Variants in LIPI observed in about 807,000 individuals in gnomAD.
LIPI encodes the protein lipase member I.
A neutral mutation model predicts 50.6 loss-of-function variants in LIPI; 59 were observed. The ratio of observed to expected loss-of-function variants is 1.16; its 90% CI spans 0.94 to 1.45. The LOEUF (loss-of-function observed/expected upper bound fraction) is 1.45. Ranked by LOEUF, LIPI falls within the 40% of genes most tolerant of loss-of-function variation. LIPI has a pLI of 0.00. For missense variants in LIPI, 586 were observed against 536.3 expected, an observed-to-expected ratio of 1.09 and a Z score of -0.92; for synonymous variants, 203 against 178.2, an observed-to-expected ratio of 1.14 and a Z score of -1.11.
At position 14,152,636 on chromosome 21, in the gene LIPI, T is replaced by C; in HGVS notation, c.1055A>G (p.Asp352Gly). Residue 352 changes from aspartate (D) to glycine (G), a missense_variant, in exon 8 of 10, where the codon GAT becomes GGT. Physicochemically the swap from Asp to Gly is moderately conservative, Grantham distance 94. Transcript: ENST00000681601. ...SIIVPDKTMMDGSFSFKLLNQ... is the reference protein window; with the variant it reads ...SIIVPDKTMMGGSFSFKLLNQ... The stretch of plus-strand genomic sequence containing the variant: ...TAATAATTTAAATGAAAACGAGCCA[T>C]CCATCATAGTTTTATCTGGAACAAT... The C allele has an allele frequency of 4.4e-6, 7 of 1,587,794 alleles. No individual in the cohort carries two copies. The highest frequency in any genetic ancestry group is 5.2e-6 in the Non-Finnish European group (6 of 1,157,468).
intron 7 of LIPI, among the ~76,000 whole-genome samples, chr21:14,161,201 AC>A (rs2018448731): frequency 6.6e-6 from 1 of 150,708 alleles, no homozygotes; most frequent in Admixed American, 6.7e-5. Context: ...CATAGCCAAA[AC>A]CTTAAAACAT....
At chr21:14,146,116 A>G (rs1408222222) in intron 8 of LIPI, among the ~76,000 whole-genome samples, 2 of 152,262 alleles carry the variant, frequency 1.3e-5, no homozygotes, top group Middle Eastern at 3.4e-3. Flanking sequence ...TCAATTACCA[A>G]CAGTTTGCTC....
At chr21:14,142,912 T>C (rs192723191) in intron 9 of LIPI, among the ~76,000 whole-genome samples, 1 of 152,274 alleles carries the variant, frequency 6.6e-6, no homozygotes, top group Non-Finnish European at 1.5e-5. Context: ...AGGAAGTACT[T>C]TCCTGACATC....
intron 8 of LIPI, among the ~76,000 whole-genome samples, chr21:14,150,070 A>C (rs1310748977): frequency 1.3e-5 from 2 of 152,200 alleles, no homozygotes; most frequent in African/African-American, 4.8e-5. Flanking sequence ...GTTCTCCATG[A>C]GGGCTCTGCC....
At chr21:14,210,322 G>A (rs1034057632) in intron 1 of LIPI, among the ~76,000 whole-genome samples, 35 of 151,944 alleles carry the variant, frequency 2.3e-4, no homozygotes, top group Admixed American at 7.2e-4. Context: ...TTTGTTTTTC[G>A]TCATACTGAA....
chr21:14,127,527 A>T (rs925358691), intron 9 of LIPI, among the ~76,000 whole-genome samples: 1 of 152,230 alleles, frequency 6.6e-6, no homozygotes, highest in African/African-American at 2.4e-5. Context: ...ATAAAAGTTA[A>T]AATTGCATAC....
intron 9 of LIPI, among the ~76,000 whole-genome samples, chr21:14,130,612 A>C (rs1354343272): frequency 8.5e-5 from 13 of 152,194 alleles, no homozygotes; most frequent in African/African-American, 1.4e-4. Context: ...TCACAAGCCC[A>C]CACCTAGCAT....
chr21:14,161,641 T>C (rs528823661), intron 7 of LIPI, among the ~76,000 whole-genome samples: 1,816 of 108,836 alleles, frequency 0.017, 50 homozygotes, highest in Non-Finnish European at 0.026. Flanking sequence ...ATATATAATA[T>C]ATACATTATT....
In LIPI at chr21:14,181,868, C is replaced by A. The variant is rs1439936741; in HGVS notation, c.542-9G>T. On this transcript the variant is annotated splice_polypyrimidine_tract_variant and intron_variant, in intron 3 of 9. Coordinates refer to ENST00000681601, the MANE Select transcript of LIPI (RefSeq NM_001302998.2). ...CCCAGCAGGGTCAAGACCTGGAAAG[C>A]AAGAAAGAAATAATCAGTCTCATCA... The A allele has an allele frequency of 3.3e-6, 5 of 1,528,320 alleles. No homozygotes were observed. The East Asian group carries it at 1.1e-4, about 34-fold the overall frequency. 94.7% of individuals were successfully genotyped at this position (1,528,320 alleles called of 1,614,324 possible). A position where few individuals can be genotyped will look rare whatever the true frequency, so the allele number is the denominator to read the frequency against.
At chr21:14,131,734 G>T (rs943715487) in intron 9 of LIPI, among the ~76,000 whole-genome samples, 2 of 152,088 alleles carry the variant, frequency 1.3e-5, no homozygotes, top group Non-Finnish European at 2.9e-5. Context: ...TCCTCAAAGT[G>T]CCAGGTAAAT....
chr21:14,175,180 T>C (rs1271800353), intron 4 of LIPI, among the ~76,000 whole-genome samples: 1 of 148,208 alleles, frequency 6.7e-6, no homozygotes, highest in Non-Finnish European at 1.5e-5. Context: ...TGAAGGTACA[T>C]CTGTTGGTTA....
chr21:14,153,874 T>C (rs1238478796), intron 7 of LIPI, among the ~76,000 whole-genome samples: 1 of 152,190 alleles, frequency 6.6e-6, no homozygotes, highest in African/African-American at 2.4e-5. Context: ...ACATAAATTG[T>C]TTCTTGAGAT....
chr21:14,198,760 G>C (rs867241346), intron 1 of LIPI, among the ~76,000 whole-genome samples: 2 of 151,858 alleles, frequency 1.3e-5, no homozygotes, highest in African/African-American at 2.4e-5. Flanking sequence ...TCAGCACTGG[G>C]TCAAATGGAC....
At chr21:14,196,730 G>A (rs2019874707) in intron 1 of LIPI, among the ~76,000 whole-genome samples, 1 of 152,096 alleles carries the variant, frequency 6.6e-6, no homozygotes, top group Non-Finnish European at 1.5e-5. Flanking sequence ...GGAGGCTGAG[G>A]TAGGAGGATT....
At chr21:14,174,055 T>C (rs1321516181) in intron 4 of LIPI, among the ~76,000 whole-genome samples, 2 of 152,200 alleles carry the variant, frequency 1.3e-5, no homozygotes, top group Non-Finnish European at 2.9e-5. Flanking sequence ...TCCTCATATA[T>C]GAACTCGACA....
rs1600920153 is a variant in LIPI at position 14,189,206 on chromosome 21, C to G, written c.260G>C (p.Gly87Ala). Reference sequence around the variant, plus strand: ...GTTCTGAAGCCATAATGGGATGGAGCCTACTGGTCTGTATCCGTGAATAAG... The same window carrying G: ...GTTCTGAAGCCATAATGGGATGGAGGCTACTGGTCTGTATCCGTGAATAAG... Reference protein sequence around the residue: ...VWLIHGYRPVGSIPLWLQNFV... With the variant: ...VWLIHGYRPVASIPLWLQNFV... The change falls in exon 2 of 10, where the codon GGC becomes GCC. Residue 87 changes from glycine to alanine, a missense_variant. Transcript: ENST00000681601. 1.2e-6 allele frequency: 2 copies of G among 1,613,974 alleles called. No homozygotes were observed. The highest frequency in any genetic ancestry group is 4.5e-5 in the East Asian group (2 of 44,862).
At chr21:14,199,546 T>A (rs1254691695) in intron 1 of LIPI, among the ~76,000 whole-genome samples, 2 of 151,494 alleles carry the variant, frequency 1.3e-5, no homozygotes, top group Non-Finnish European at 2.9e-5. Flanking sequence ...CAGGAAGAAT[T>A]GGAATCCCTG....
rs774247041 is a variant in LIPI at position 14,189,007 on chromosome 21, TATA to T, written c.432+24_432+26del. ...CACGTATAATATATTGTATAGCATGTATAATACATAAAATTCCCAGACTTACCA... is the reference window on the plus strand; with the variant it reads ...CACGTATAATATATTGTATAGCATGTATACATAAAATTCCCAGACTTACCA... On this transcript the variant is annotated intron_variant, in intron 2 of 9. Coordinates refer to ENST00000681601, the MANE Select transcript of LIPI (RefSeq NM_001302998.2). The T allele has an allele frequency of 1.9e-6, 3 of 1,563,286 alleles. No individual in the cohort carries two copies. The African/African-American group carries it at 4.0e-5, about 21-fold the overall frequency.
intron 1 of LIPI, among the ~76,000 whole-genome samples, chr21:14,197,446 A>C (rs1249541642): frequency 6.6e-6 from 1 of 152,162 alleles, no homozygotes; most frequent in East Asian, 1.9e-4. Flanking sequence ...CTAGAGCTGA[A>C]AAACACACTA....
Sources: gnomAD v4.1 joint callset for allele counts (sites outside exome capture counted in the v4.1 genomes callset) on GRCh38, gnomAD v4.1.1 for gene constraint, MANE v1.5 for transcripts, NCBI Gene and HGNC (gene_info 2026-07-23, HGNC 2026-07-21) for gene names.